Variants in KDM5A observed in about 807,000 individuals in gnomAD.
The protein encoded by KDM5A is lysine demethylase 5A, also known as lysine-specific demethylase 5A.
KDM5A carries 42 observed loss-of-function variants against 193.5 expected under a neutral mutation model. The ratio of observed to expected loss-of-function variants is 0.22; its 90% confidence interval spans 0.17 to 0.28. KDM5A has a LOEUF of 0.28. KDM5A is among the 10% of genes least tolerant of loss of function. The probability of loss-of-function intolerance (pLI) is 1.00; values close to 1 mark genes in which losing one functional copy is unlikely to be tolerated. For synonymous variants in KDM5A, 796 were observed against 718.1 expected (o/e 1.11, Z -1.73); for missense variants, 1,692 against 2,055.1 (o/e 0.82, Z 3.42).
chr12:300,952 C>A (rs1389452198), intron 24 of KDM5A, among the ~76,000 whole-genome samples: 1 of 152,210 alleles, frequency 6.6e-6, no homozygotes, highest in Non-Finnish European at 1.5e-5. Flanking sequence ...AATTCCTGGA[C>A]ACATACAGCC....
intron 10 of KDM5A, among the ~76,000 whole-genome samples, chr12:335,460 G>A (rs1943916784): frequency 6.6e-6 from 1 of 152,200 alleles, no homozygotes; most frequent in Non-Finnish European, 1.5e-5. Context: ...AAGATGGTAT[G>A]TGCTATCATA....
Position 282,593 on chromosome 12 carries a change from G to A in KDM5A, c.*2863C>T, listed in dbSNP as rs1943169005. On this transcript the variant is annotated 3_prime_UTR_variant, in exon 28 of 28. Transcript: ENST00000399788. ...TGCTGTATTTGTACTTTTAAACTTG[G>A]GGATCTGCATAGTTCTAATGACTTA... 4.3e-6 allele frequency: 1 copy of A among 233,062 alleles called. No individual in the cohort carries two copies. Among genetic ancestry groups the A allele is most frequent in the Non-Finnish European group, 8.5e-6 (1 of 117,956 alleles). The allele number at this position is 233,062 out of a possible 1,614,324, so 14.4% of individuals were successfully genotyped here.
intron 14 of KDM5A, among the ~76,000 whole-genome samples, chr12:326,717 C>T (rs903062372): frequency 1.3e-5 from 2 of 151,758 alleles, no homozygotes; most frequent in African/African-American, 4.8e-5. Context: ...AAAAATTAGC[C>T]GGGCGTGGTG....
intron 8 of KDM5A, among the ~76,000 whole-genome samples, chr12:353,622 A>G (rs192891658): frequency 1.3e-5 from 2 of 152,294 alleles, no homozygotes; most frequent in Admixed American, 6.5e-5. Flanking sequence ...CAATATAGAT[A>G]TTTTAAGTCC....
Position 322,529 on chromosome 12 carries a change from C to A in KDM5A, c.2314G>T (p.Asp772Tyr). The A allele has an allele frequency of 6.2e-7, 1 of 1,613,052 alleles. No homozygotes were observed. The highest frequency in any genetic ancestry group is 8.5e-7 in the Non-Finnish European group (1 of 1,179,342). Residue 772 changes from aspartate to tyrosine, a missense_variant, in exon 17 of 28, where the codon GAT becomes TAT. This residue lies in a region of KDM5A where 965 missense variants were observed against 1,061.0 expected (regional missense o/e 0.91). Coordinates refer to ENST00000399788, the MANE Select transcript of KDM5A (RefSeq NM_001042603.3). Reference sequence around the variant, plus strand: ...AGATCATTCTCTGGGTATTTCCTATCCTCAGCATCTTCCAGCATTACTCGC... The same window carrying A: ...AGATCATTCTCTGGGTATTTCCTATACTCAGCATCTTCCAGCATTACTCGC... ...ELRVMLEDAE[D>Y]RKYPENDLFR...
intron 10 of KDM5A, 21 bp from the exon 11 acceptor site, chr12:334,443 G>A (rs2137426318): frequency 1.3e-6 from 2 of 1,596,904 alleles, no homozygotes; most frequent in Admixed American, 1.7e-5. Flanking sequence ...AGAAAAAACT[G>A]TAAATGAAAG....
At chr12:356,630 C>T (rs763768889) in intron 5 of KDM5A, 93 bp from the exon 6 acceptor site, 59 of 778,486 alleles carry the variant, frequency 7.6e-5, no homozygotes, top group Admixed American at 3.2e-4. Context: ...CTCTTCAACA[C>T]GGAAGAACAA....
chr12:389,122 G>T lies in KDM5A; in HGVS notation c.-31C>A. The T allele has an allele frequency of 1.9e-6, 3 of 1,596,426 alleles. No homozygotes were observed. Among genetic ancestry groups the T allele is most frequent in the Non-Finnish European group, 1.7e-6 (2 of 1,168,424 alleles). On this transcript the variant is annotated 5_prime_UTR_variant, in exon 1 of 28. Transcript: ENST00000399788. ...CGGCCGGGGGGGGGGGGGGGTCCCC[G>T]TGGGGAACCGGTGGAGAAAAGCTGG... is the stretch of plus-strand genomic sequence containing the variant.
intron 16 of KDM5A, 43 bp downstream of exon 16, chr12:323,038 TG>T: frequency 6.2e-7 from 1 of 1,611,218 alleles, no homozygotes; most frequent in Non-Finnish European, 8.5e-7. Context: ...TCTTTTAAAG[TG>T]ACAATCAATT....
At position 318,142 on chromosome 12, in the gene KDM5A, C is replaced by T. The variant is rs1168823878; in HGVS notation, c.2861G>A (p.Arg954Gln). The T allele has an allele frequency of 8.7e-6, 14 of 1,614,098 alleles. No individual in the cohort carries two copies. The highest frequency in any genetic ancestry group is 4.5e-5 in the East Asian group (2 of 44,894). Residue 954 changes from arginine (R) to glutamine (Q), a missense_variant, in exon 19 of 28, where the codon CGA becomes CAA. Around this residue, in one of 11 missense-constraint regions of KDM5A, gnomAD observed 965 missense variants for 1,061.0 expected, o/e 0.91. Coordinates refer to ENST00000399788, the MANE Select transcript of KDM5A (RefSeq NM_001042603.3). Reference protein sequence around the residue: ...ELQELLTVSERWEEKAKVCLQ... With the variant: ...ELQELLTVSEQWEEKAKVCLQ... ...GCAGACCTTAGCCTTTTCTTCCCAT[C>T]GTTCAGAGACTGTAAGGAGCTCCTG...
rs1943145914 is a variant in KDM5A at position 280,653 on chromosome 12, A to G, written c.*4803T>C. The G allele has an allele frequency of 4.3e-6, 1 of 233,026 alleles. No individual in the cohort carries two copies. Among genetic ancestry groups the G allele is most frequent in the Non-Finnish European group, 8.5e-6 (1 of 117,958 alleles). 14.4% of individuals were successfully genotyped at this position (233,026 alleles called of 1,614,324 possible). On this transcript the variant is annotated 3_prime_UTR_variant, in exon 28 of 28. Transcript: ENST00000399788. ...CTTCTCTGAAGTAACTTGGGGTCTG[A>G]ATTGGTTGTGAGCTTTAAGAAGCCA...
intron 22 of KDM5A, 113 bp downstream of exon 22, chr12:309,690 A>C (rs995150611): frequency 6.1e-6 from 7 of 1,143,214 alleles, no homozygotes; most frequent in Non-Finnish European, 3.9e-6. Flanking sequence ...ATAATCATAA[A>C]GCCAAAGTAT....
intron 3 of KDM5A, among the ~76,000 whole-genome samples, chr12:367,936 A>G (rs1347690789): frequency 1.3e-5 from 2 of 152,180 alleles, no homozygotes; most frequent in Non-Finnish European, 2.9e-5. Flanking sequence ...TTCTAGATAT[A>G]TACTCAAAGA....
At chr12:376,352 G>T (rs1261918066) in intron 3 of KDM5A, among the ~76,000 whole-genome samples, 9 of 152,176 alleles carry the variant, frequency 5.9e-5, no homozygotes, top group Non-Finnish European at 1.3e-4. Context: ...AATGAGCGAG[G>T]CTCCGTGGGC....
intron 27 of KDM5A, among the ~76,000 whole-genome samples, chr12:291,912 T>C (rs1402392745): frequency 1.3e-5 from 2 of 151,550 alleles, no homozygotes; most frequent in African/African-American, 4.9e-5. Context: ...TTTTTTTTTT[T>C]TTTTTTTGAG....
Position 323,731 on chromosome 12 carries a change from C to T in KDM5A, c.2019G>A (p.Glu673=). The T allele has an allele frequency of 6.2e-7, 1 of 1,613,992 alleles. No individual in the cohort carries two copies. The highest frequency in any genetic ancestry group is 8.5e-7 in the Non-Finnish European group (1 of 1,179,888). Residue 673 remains glutamate (E), a synonymous_variant, in exon 15 of 28, where the codon GAG becomes GAA. Transcript: ENST00000399788. ...TGGTTCTGCATGCTGAACACTGCCG[C>T]TCATCATCAGGAACAAGTTCAAACA... ...EEVFELVPDD[E]RQCSACRTTC...
chr12:335,895 T>C (rs1022479588), intron 10 of KDM5A, among the ~76,000 whole-genome samples: 2 of 150,348 alleles, frequency 1.3e-5, no homozygotes, highest in African/African-American at 4.9e-5. Context: ...TACAAAAAAT[T>C]AGCTGGGCAT....
chr12:296,545 A>C (rs1209271419), intron 25 of KDM5A, among the ~76,000 whole-genome samples: 1 of 152,206 alleles, frequency 6.6e-6, no homozygotes, highest in Non-Finnish European at 1.5e-5. Flanking sequence ...TTTATTATAA[A>C]GAGATAAACA....
intron 27 of KDM5A, among the ~76,000 whole-genome samples, chr12:289,339 C>T (rs1943259259): frequency 6.6e-6 from 1 of 151,866 alleles, no homozygotes. Context: ...AGTTCAGAGA[C>T]AAAAAGATTC....
Sources: gnomAD v4.1 joint callset for allele counts (sites outside exome capture counted in the v4.1 genomes callset) on GRCh38, gnomAD v4.1.1 for gene constraint, gnomAD v4.1.1 regional missense constraint, MANE v1.5 for transcripts, NCBI Gene and HGNC (gene_info 2026-07-23, HGNC 2026-07-21) for gene names.